Variants in FAM89A observed in about 807,000 individuals in gnomAD.
FAM89A encodes protein FAM89A.
Under a neutral mutation model 7.1 loss-of-function variants are expected in FAM89A, and 10 were observed. The ratio of observed to expected loss-of-function variants is 1.40; its 90% confidence interval spans 0.86 to 2.38. FAM89A has a LOEUF of 2.38. Ranked by LOEUF, FAM89A falls within the 30% of genes most tolerant of loss-of-function variation. The pLI, the probability that FAM89A is intolerant of heterozygous loss-of-function variation, is 0.00. For synonymous variants in FAM89A, 157 were observed against 129.3 expected, an observed-to-expected ratio of 1.21 and a Z score of -1.45; for missense variants, 276 against 262.8, an observed-to-expected ratio of 1.05 and a Z score of -0.35.
At position 231,040,151 on chromosome 1, in the gene FAM89A, C is replaced by T. The variant is rs1235893988; in HGVS notation, c.61G>A (p.Val21Met). 1.2e-5 allele frequency: 15 copies of T among 1,302,560 alleles called. No individual in the cohort carries two copies. Among genetic ancestry groups the T allele is most frequent in the Non-Finnish European group, 1.3e-5 (13 of 1,018,606 alleles). The allele number at this position is 1,302,560 out of a possible 1,614,324, so 80.7% of individuals were successfully genotyped here. Residue 21 changes from valine to methionine, a missense_variant, in exon 1 of 2, where the codon GTG becomes ATG. By Grantham distance (21) the Val-to-Met change is conservative. Transcript: ENST00000366654. Reference sequence around the variant, plus strand: ...TTTGGCAGCGGGGGCAGCCCGTCCACCCGCAGCCCCCGGACCGCGCCGTTG... The same window carrying T: ...TTTGGCAGCGGGGGCAGCCCGTCCATCCGCAGCCCCCGGACCGCGCCGTTG... The part of the protein sequence containing the change: ...AGNGAVRGLR[V>M]DGLPPLPKSL...
chr1:231,031,964 A>G (rs968975639), intron 1 of FAM89A, among the ~76,000 whole-genome samples: 1 of 152,332 alleles, frequency 6.6e-6, no homozygotes, highest in East Asian at 1.9e-4. Context: ...GGAGAGAAGA[A>G]TGCCCAAGGC....
rs556938586 is a variant in FAM89A, at chr1:231,037,260, T to C, written c.291+2661A>G. ...GGAGAATTTATACCATTAAATAAGA[T>C]ACTATATAGAAAGCACTTACATTGC... On this transcript the variant is annotated intron_variant, in intron 1 of 1. Coordinates refer to ENST00000366654, the MANE Select transcript of FAM89A (RefSeq NM_198552.3). Among the ~76,000 whole-genome samples the C allele has an allele frequency of 2.6e-5, 4 of 152,348 alleles. No homozygotes were observed. The East Asian group carries it at 7.7e-4, about 29-fold the overall frequency.
At chr1:231,035,787 G>A (rs1169335850) in intron 1 of FAM89A, among the ~76,000 whole-genome samples, 5 of 152,150 alleles carry the variant, frequency 3.3e-5, no homozygotes, top group African/African-American at 7.2e-5. Context: ...TATATAGAAC[G>A]GGGTCTGCAG....
In FAM89A at chr1:231,040,098, C is replaced by A. The variant is rs752124042; in HGVS notation, c.114G>T (p.Ala38=). 5 of 1,437,246 alleles carry A rather than the reference C, an allele frequency of 3.5e-6. No homozygotes were observed. In the East Asian group the frequency reaches 1.2e-4, roughly 35 times the overall value. The allele number at this position is 1,437,246 out of a possible 1,614,324, so 89.0% of individuals were successfully genotyped here. A position where few individuals can be genotyped will look rare whatever the true frequency, so the allele number is the denominator to read the frequency against. Residue 38 remains alanine (A), a synonymous_variant, in exon 1 of 2, where the codon GCG becomes GCT. Coordinates refer to ENST00000366654, the MANE Select transcript of FAM89A (RefSeq NM_198552.3). ...AGCCCCCAGACGCGCCGCCGCCCGA[C>A]GCCGAGTGCAGCAGCCCGCTCAAGC... is the stretch of plus-strand genomic sequence containing the variant. ...PKSLSGLLHS[A]SGGGASGGWR... is the part of the protein sequence containing the mutation.
chr1:231,020,175 T>C lies in FAM89A; in HGVS notation c.292-49A>G, dbSNP rs780658112. 5 of 1,538,054 alleles carry C rather than the reference T, an allele frequency of 3.3e-6. No homozygotes were observed. The South Asian group carries it at 4.9e-5, about 15-fold the overall frequency. On this transcript the variant is annotated intron_variant, in intron 1 of 1. Transcript: ENST00000366654. ...AAAAAACGAGAAGTCAGCACTTGAG[T>C]TTAATTTCAGTGGAACACTCAGCCG...
chr1:231,039,626 C>G (rs1489149038), intron 1 of FAM89A, among the ~76,000 whole-genome samples: 1 of 152,168 alleles, frequency 6.6e-6, no homozygotes, highest in East Asian at 1.9e-4. Context: ...AGGCACGAAC[C>G]CCGCACAGCG....
chr1:231,025,350 G>A (rs1203491638), intron 1 of FAM89A, among the ~76,000 whole-genome samples: 1 of 152,164 alleles, frequency 6.6e-6, no homozygotes, highest in African/African-American at 2.4e-5. Flanking sequence ...CCGACCCTCT[G>A]CCAGCCTATA....
chr1:231,028,613 G>C (rs1680012436), intron 1 of FAM89A: 1 of 152,216 alleles, frequency 6.6e-6, no homozygotes, highest in Non-Finnish European at 1.5e-5. Flanking sequence ...TCTTTTGAAA[G>C]CACACGTTTT....
intron 1 of FAM89A, among the ~76,000 whole-genome samples, chr1:231,039,371 G>A (rs1306732502): frequency 6.6e-6 from 1 of 152,244 alleles, no homozygotes; most frequent in Admixed American, 6.5e-5. Flanking sequence ...GTCTGCTTTC[G>A]CAGCCATCTG....
At chr1:231,022,639 G>A (rs1219251129) in intron 1 of FAM89A, among the ~76,000 whole-genome samples, 1 of 152,106 alleles carries the variant, frequency 6.6e-6, no homozygotes, top group East Asian at 1.9e-4. Context: ...GGCCCCTTGA[G>A]GCCCTGAAAA....
intron 1 of FAM89A, chr1:231,021,885 T>G: frequency 6.3e-7 from 1 of 1,575,912 alleles, no homozygotes. Context: ...GACAGCTGCA[T>G]GGTGAGCAGT....
chr1:231,022,197 G>A lies in FAM89A; in HGVS notation c.292-2071C>T, dbSNP rs143061542. On this transcript the variant is annotated intron_variant, in intron 1 of 1. Coordinates refer to ENST00000366654, the MANE Select transcript of FAM89A (RefSeq NM_198552.3). ...ATTCATATATGAAGTATTCAGAGAC[G>A]CCCAGGAGAGACGGATGGACAATCA... 9.1e-5 allele frequency: 88 copies of A among 971,592 alleles called. No homozygotes were observed. The Middle Eastern group carries it at 1.7e-3, about 18-fold the overall frequency. The allele number at this position is 971,592 out of a possible 1,614,324, so 60.2% of individuals were successfully genotyped here. A position where few individuals can be genotyped will look rare whatever the true frequency, so the allele number is the denominator to read the frequency against.
chr1:231,020,251 C>A (rs936997560), intron 1 of FAM89A, 125 bp from the exon 2 acceptor site: 1 of 1,022,952 alleles, frequency 9.8e-7, no homozygotes, highest in Non-Finnish European at 1.4e-6. Context: ...TGATTCAGAG[C>A]ATCACTCGGA....
At chr1:231,028,531 C>T (rs1406462397) in intron 1 of FAM89A, 1 of 152,158 alleles carries the variant, frequency 6.6e-6, no homozygotes, top group Non-Finnish European at 1.5e-5. Context: ...TGGATCTCAA[C>T]GGTGTGTTCT....
At chr1:231,030,914 A>G (rs960356144) in intron 1 of FAM89A, among the ~76,000 whole-genome samples, 1 of 152,208 alleles carries the variant, frequency 6.6e-6, no homozygotes, top group Non-Finnish European at 1.5e-5. Flanking sequence ...GTTCGAGACC[A>G]GCCTGGACAA....
At position 231,019,816 on chromosome 1, in the gene FAM89A, G is replaced by C. The variant is rs932505203; in HGVS notation, c.*47C>G. On this transcript the variant is annotated 3_prime_UTR_variant, in exon 2 of 2. Transcript: ENST00000366654. ...GAGAAGCAGCAAATGATGACAGCGT[G>C]TCCAGTAGGAAGGGCTTCCCAACAG... is the stretch of plus-strand genomic sequence containing the variant. 1.3e-6 allele frequency: 2 copies of C among 1,586,546 alleles called. No homozygotes were observed. The highest frequency in any genetic ancestry group is 2.7e-5 in the African/African-American group (2 of 74,260).
intron 1 of FAM89A, among the ~76,000 whole-genome samples, chr1:231,024,592 G>A (rs1324561579): frequency 6.6e-6 from 1 of 150,898 alleles, no homozygotes; most frequent in East Asian, 2.0e-4. Context: ...GCAGGAGTGT[G>A]GTGGTATGAT....
chr1:231,030,987 G>A (rs930215565), intron 1 of FAM89A, among the ~76,000 whole-genome samples: 2 of 152,078 alleles, frequency 1.3e-5, no homozygotes, highest in African/African-American at 4.8e-5. Flanking sequence ...GCATTTGCCT[G>A]TGGCCCCAGC....
At chr1:231,024,520 G>GCACACA (rs3220109) in intron 1 of FAM89A, among the ~76,000 whole-genome samples, 2,412 of 144,512 alleles carry the variant, frequency 0.017, 37 homozygotes, top group Non-Finnish European at 0.023. Flanking sequence ...TACATTGCAT[G>GCACACA]CACACACACA....
Sources: gnomAD v4.1 joint callset for allele counts (sites outside exome capture counted in the v4.1 genomes callset) on GRCh38, gnomAD v4.1.1 for gene constraint, MANE v1.5 for transcripts, NCBI Gene and HGNC (gene_info 2026-07-23, HGNC 2026-07-21) for gene names.